The following PRDM11 variants were observed in gnomAD, a reference collection of about 807,000 sequenced individuals.
PRDM11 encodes PR domain-containing protein 11.
A neutral mutation model predicts 97.8 loss-of-function variants in PRDM11; 20 were observed. That is an observed-to-expected ratio of 0.20 (90% CI 0.14 to 0.30). The LOEUF is 0.30. Among genes scored for constraint, PRDM11 ranks in the 10% least tolerant of loss-of-function variants. The pLI, the probability that PRDM11 is intolerant of heterozygous loss-of-function variation, is 1.00. For missense variants in PRDM11, 1,139 were observed against 1,555.2 expected (o/e 0.73, Z 4.50); for synonymous variants, 599 against 637.7 (o/e 0.94, Z 0.91).
chr11:45,095,688 G>C (rs1308592336), upstream of PRDM11: 2 of 650,682 alleles, frequency 3.1e-6, no homozygotes, highest in Non-Finnish European at 5.6e-6. Context: ...ATGTCCTCTT[G>C]GGGAAAGGCA....
chr11:45,138,996 G>C (rs952290373), intron 1 of PRDM11, among the ~76,000 whole-genome samples: 10 of 152,006 alleles, frequency 6.6e-5, no homozygotes, highest in African/African-American at 2.2e-4. Context: ...AAAAATAAGG[G>C]CCCCAATTTT....
chr11:45,117,267 TG>T (rs1852325940), intron 1 of PRDM11, among the ~76,000 whole-genome samples: 1 of 145,944 alleles, frequency 6.9e-6, no homozygotes, highest in Non-Finnish European at 1.5e-5. Context: ...GTGGCCAACG[TG>T]GAAATAATTT....
chr11:45,114,280 A>G (rs1852255010), intron 1 of PRDM11, among the ~76,000 whole-genome samples: 1 of 152,220 alleles, frequency 6.6e-6, no homozygotes, highest in African/African-American at 2.4e-5. Context: ...TAGAAATTCT[A>G]GACTTGAAAA....
chr11:45,180,825 G>A (rs923217958), intron 1 of PRDM11, among the ~76,000 whole-genome samples: 1 of 151,060 alleles, frequency 6.6e-6, no homozygotes, highest in Non-Finnish European at 1.5e-5. Flanking sequence ...AGGGGGCGGC[G>A]CGCCCGGCCT....
At chr11:45,170,062 G>A (rs988667860) in intron 1 of PRDM11, among the ~76,000 whole-genome samples, 12 of 152,324 alleles carry the variant, frequency 7.9e-5, no homozygotes, top group African/African-American at 2.9e-4. Context: ...AAAGCAAGGG[G>A]CCAGGCAGGG....
In PRDM11 at chr11:45,219,273, A is replaced by G. The variant is rs530683734; in HGVS notation, c.555-297A>G. Among the ~76,000 whole-genome samples the G allele has an allele frequency of 1.8e-4, 27 of 152,296 alleles. No individual in the cohort carries two copies. The highest frequency in any genetic ancestry group is 3.4e-3 in the Middle Eastern group (1 of 294). The stretch of plus-strand genomic sequence containing the variant: ...CAATCACTTATAATATTTAGTTGAT[A>G]TATTTTCCATATGGTGTGAGGCAGG... On this transcript the variant is annotated intron_variant, in intron 5 of 7. Coordinates refer to ENST00000683152, the MANE Select transcript of PRDM11 (RefSeq NM_001384648.1). The surrounding 1 kb of genome is among the most constrained non-coding windows in gnomAD (Gnocchi z 4.2).
chr11:45,170,450 G>A (rs1007858845), intron 1 of PRDM11, among the ~76,000 whole-genome samples: 1 of 152,208 alleles, frequency 6.6e-6, no homozygotes, highest in Non-Finnish European at 1.5e-5. Flanking sequence ...AATGCCTAGA[G>A]GGAGTAGGGG....
At chr11:45,225,172 C>A in intron 7 of PRDM11, 1 of 1,294,172 alleles carries the variant, frequency 7.7e-7, no homozygotes, top group Non-Finnish European at 9.9e-7. Context: ...TAAACCCAGT[C>A]TTTCTCTGTC....
rs1173773113 is a variant in PRDM11 at position 45,124,068 on chromosome 11, G to T, written c.96+28167G>T. 1.9e-3 allele frequency among the ~76,000 whole-genome samples: 285 copies of T among 148,708 alleles called. 1 individual carries two copies. Among genetic ancestry groups the T allele is most frequent in the African/African-American group, 6.8e-3 (276 of 40,560 alleles). ...CTTGAAGAGGTCCTTCACATCCCTTGTAAGTTGGATTCCTAGGTATTTTAT... is the reference window on the plus strand; with the variant it reads ...CTTGAAGAGGTCCTTCACATCCCTTTTAAGTTGGATTCCTAGGTATTTTAT... On this transcript the variant is annotated intron_variant, in intron 1 of 6. Coordinates refer to the PRDM11 transcript ENST00000530656.
intron 6 of PRDM11, among the ~76,000 whole-genome samples, chr11:45,220,456 C>A (rs961658657): frequency 6.6e-6 from 1 of 152,232 alleles, no homozygotes; most frequent in African/African-American, 2.4e-5. Flanking sequence ...CAGCTATAAA[C>A]TTTTAATACT....
chr11:45,119,142 CAA>C (rs1389310595), intron 1 of PRDM11, among the ~76,000 whole-genome samples: 2 of 152,154 alleles, frequency 1.3e-5, no homozygotes, highest in Non-Finnish European at 2.9e-5. Context: ...TCTATAATGA[CAA>C]AGGAGAAACT....
chr11:45,123,595 A>G (rs1031296845), intron 1 of PRDM11, among the ~76,000 whole-genome samples: 2 of 152,154 alleles, frequency 1.3e-5, no homozygotes, highest in Non-Finnish European at 2.9e-5. Context: ...CATTTATTAA[A>G]TAGGGAATCC....
intron 1 of PRDM11, among the ~76,000 whole-genome samples, chr11:45,109,097 G>A (rs1852120552): frequency 1.3e-5 from 2 of 152,196 alleles, no homozygotes; most frequent in African/African-American, 2.4e-5. Context: ...ACCGAAAAAT[G>A]TTGTCCCCGC....
chr11:45,173,471 A>T (rs1852251413), intron 1 of PRDM11, among the ~76,000 whole-genome samples: 1 of 151,780 alleles, frequency 6.6e-6, no homozygotes, highest in Non-Finnish European at 1.5e-5. Flanking sequence ...AAAATCCAAA[A>T]ATTAGCTGGG....
chr11:45,106,406 G>A (rs1253370426), intron 1 of PRDM11, among the ~76,000 whole-genome samples: 1 of 152,174 alleles, frequency 6.6e-6, no homozygotes, highest in Non-Finnish European at 1.5e-5. Context: ...ATAGGCTGGG[G>A]TGATTTTTGC....
At chr11:45,134,701 G>GAAA (rs1191008824) in intron 1 of PRDM11, among the ~76,000 whole-genome samples, 585 of 44,218 alleles carry the variant, frequency 0.013, 1 homozygote, top group Non-Finnish European at 0.017. Context: ...CCTGTCTCAC[G>GAAA]AAAAAAAAAA....
intron 1 of PRDM11, among the ~76,000 whole-genome samples, chr11:45,134,727 G>A (rs7104860): frequency 0.26 from 18,765 of 71,316 alleles, 1,118 homozygotes; most frequent in Middle Eastern, 0.36. Context: ...AAAAAAAAAA[G>A]AATAGTATTT....
Position 45,228,512 on chromosome 11 carries a change from A to C in PRDM11, c.*353A>C, listed in dbSNP as rs1854332423. 1 of 151,820 alleles carries C rather than the reference A, an allele frequency of 6.6e-6. No homozygotes were observed. Among genetic ancestry groups the C allele is most frequent in the Non-Finnish European group, 1.5e-5 (1 of 67,972 alleles). The allele number at this position is 151,820 out of a possible 1,614,324, so 9.4% of individuals were successfully genotyped here. A position where few individuals can be genotyped will look rare whatever the true frequency, so the allele number is the denominator to read the frequency against. The stretch of plus-strand genomic sequence containing the variant: ...GCTAAAATGACAGGTCTCTGTCATC[A>C]CCTTTAGGTAGCTCATTTTGTTTAT... On this transcript the variant is annotated 3_prime_UTR_variant, in exon 8 of 8. Coordinates refer to ENST00000683152, the MANE Select transcript of PRDM11 (RefSeq NM_001384648.1).
chr11:45,142,602 C>T (rs1851428941), upstream of PRDM11, among the ~76,000 whole-genome samples: 1 of 152,202 alleles, frequency 6.6e-6, no homozygotes, highest in African/African-American at 2.4e-5. Flanking sequence ...GTGGTTTGGG[C>T]CTCCCAGGGA....
Sources: allele counts gnomAD v4.1 joint callset (sites outside exome capture counted in the v4.1 genomes callset), GRCh38; gene constraint gnomAD v4.1.1; non-coding constraint Gnocchi (gnomAD v3.1); transcripts MANE v1.5; gene names NCBI Gene and HGNC (gene_info 2026-07-23, HGNC 2026-07-21).